Variants in NEBL observed in about 807,000 individuals in gnomAD.
NEBL encodes the protein nebulette, also known as LIM and SH3 protein 2.
NEBL carries 122 observed loss-of-function variants against 140.2 expected under a neutral mutation model. That is an observed-to-expected ratio of 0.87 (90% CI 0.75 to 1.01). NEBL has a LOEUF of 1.01. Among genes scored for constraint, NEBL ranks in the 50% least tolerant of loss-of-function variants. NEBL has a pLI of 0.00. For missense variants in NEBL, 1,365 were observed against 1,231.3 expected (o/e 1.11, Z -1.62); for synonymous variants, 436 against 398.9 (o/e 1.09, Z -1.11).
In NEBL at chr10:20,915,600, G is replaced by C. The variant is rs531314841; in HGVS notation, c.357+46072C>G. Among the ~76,000 whole-genome samples the C allele has an allele frequency of 8.6e-5, 13 of 151,396 alleles. No individual in the cohort carries two copies. In the East Asian group the frequency reaches 2.3e-3, roughly 27 times the overall value. On this transcript the variant is annotated intron_variant, in intron 4 of 6. Transcript: ENST00000417816. ...GGACATGAACTCATCATTTTTTATG[G>C]CTGCATAGTATTCCATGGTGTATAT...
At chr10:21,093,589 C>A (rs1034082687) in intron 2 of NEBL, among the ~76,000 whole-genome samples, 7 of 152,120 alleles carry the variant, frequency 4.6e-5, no homozygotes, top group African/African-American at 1.7e-4. Flanking sequence ...GAATATGCAA[C>A]CAGATGGGGG....
intron 20 of NEBL, among the ~76,000 whole-genome samples, chr10:20,818,158 G>A (rs535690436): frequency 2.0e-5 from 3 of 152,148 alleles, no homozygotes; most frequent in Non-Finnish European, 4.4e-5. Flanking sequence ...ACAGTGTTGA[G>A]CCTCATTATC....
chr10:21,108,354 A>G (rs747671901), intron 2 of NEBL, among the ~76,000 whole-genome samples: 21 of 152,176 alleles, frequency 1.4e-4, no homozygotes, highest in Non-Finnish European at 2.5e-4. Flanking sequence ...AGATTCTGGT[A>G]CGTTGTGTCT....
chr10:20,890,120 A>G (rs1044263722), intron 2 of NEBL, among the ~76,000 whole-genome samples, 171 bp from the exon 3 acceptor site: 1 of 152,210 alleles, frequency 6.6e-6, no homozygotes, highest in Non-Finnish European at 1.5e-5. Flanking sequence ...ACAGGATTGC[A>G]AAGATGATGA....
intron 4 of NEBL, among the ~76,000 whole-genome samples, chr10:20,919,907 A>C (rs1171698275): frequency 1.2e-4 from 19 of 152,184 alleles, no homozygotes. Flanking sequence ...GCAAGGTAGC[A>C]GGGGGAAATT....
At chr10:21,265,704 A>G (rs1186921550) in intron 1 of NEBL, among the ~76,000 whole-genome samples, 1 of 152,242 alleles carries the variant, frequency 6.6e-6, no homozygotes, top group Non-Finnish European at 1.5e-5. Context: ...AACAGGCAAC[A>G]GTACGCTTTT....
chr10:20,795,908 A>AAAT (rs1836464868), intron 26 of NEBL, among the ~76,000 whole-genome samples: 2 of 152,252 alleles, frequency 1.3e-5, no homozygotes, highest in Admixed American at 1.3e-4. Flanking sequence ...CCCCAAATAT[A>AAAT]AATAACCAGG....
chr10:20,960,827 T>C lies in NEBL; in HGVS notation c.357+845A>G, dbSNP rs577137920. On this transcript the variant is annotated intron_variant, in intron 4 of 6. Coordinates refer to the NEBL transcript ENST00000417816. ...CTGGAAATTAAGGCTACATCAGTTA[T>C]AACACCTAGATATACAAATTTTAGT... Among the ~76,000 whole-genome samples the C allele has an allele frequency of 1.5e-3, 221 of 152,246 alleles. 1 individual carries two copies. Among genetic ancestry groups the C allele is most frequent in the African/African-American group, 5.1e-3 (211 of 41,572 alleles).
chr10:21,016,448 G>T (rs936039044), intron 3 of NEBL, among the ~76,000 whole-genome samples: 1 of 152,132 alleles, frequency 6.6e-6, no homozygotes, highest in African/African-American at 2.4e-5. Context: ...GAGAGGGGGG[G>T]AAATAAAAAG....
chr10:20,987,076 A>G (rs1269556918), intron 3 of NEBL, among the ~76,000 whole-genome samples: 2 of 152,196 alleles, frequency 1.3e-5, no homozygotes, highest in South Asian at 2.1e-4. Flanking sequence ...TGTGGATTAA[A>G]TGGGTAAAAA....
At chr10:20,997,601 A>C (rs545225223) in intron 3 of NEBL, among the ~76,000 whole-genome samples, 1 of 151,858 alleles carries the variant, frequency 6.6e-6, no homozygotes, top group Non-Finnish European at 1.5e-5. Flanking sequence ...TTCCTAACAA[A>C]GTATCATTAC....
intron 2 of NEBL, among the ~76,000 whole-genome samples, chr10:21,067,359 C>A (rs1234535726): frequency 6.6e-6 from 1 of 152,018 alleles, no homozygotes; most frequent in Non-Finnish European, 1.5e-5. Flanking sequence ...TTAAATTGAG[C>A]CTTCAAACTG....
At chr10:20,986,271 C>T (rs889220439) in intron 3 of NEBL, among the ~76,000 whole-genome samples, 1 of 152,148 alleles carries the variant, frequency 6.6e-6, no homozygotes, top group African/African-American at 2.4e-5. Flanking sequence ...TCCGCTGTTG[C>T]AATAACTAGA....
chr10:20,795,748 G>A (rs1430928633), intron 26 of NEBL, among the ~76,000 whole-genome samples: 3 of 152,112 alleles, frequency 2.0e-5, no homozygotes, highest in African/African-American at 7.2e-5. Context: ...GCATAGTGAT[G>A]GCACCTAACA....
intron 1 of NEBL, among the ~76,000 whole-genome samples, chr10:21,285,732 T>C (rs565105352): frequency 1.4e-4 from 21 of 152,210 alleles, no homozygotes; most frequent in Non-Finnish European, 2.4e-4. Context: ...AGGAAGTGTC[T>C]AAAGTCGTTA....
At chr10:20,827,875 G>C (rs1470931982) in intron 17 of NEBL, among the ~76,000 whole-genome samples, 2 of 152,020 alleles carry the variant, frequency 1.3e-5, no homozygotes, top group African/African-American at 4.8e-5. Context: ...TAAATGATGA[G>C]AACACATGGA....
At chr10:20,881,281 T>C (rs1845991995) in intron 4 of NEBL, among the ~76,000 whole-genome samples, 1 of 152,218 alleles carries the variant, frequency 6.6e-6, no homozygotes, top group African/African-American at 2.4e-5. Flanking sequence ...TATTTGAAAG[T>C]AAATTGTTTT....
At chr10:20,969,109 G>GC (rs1836454119) in intron 3 of NEBL, among the ~76,000 whole-genome samples, 1 of 152,094 alleles carries the variant, frequency 6.6e-6, no homozygotes, top group African/African-American at 2.4e-5. Flanking sequence ...GCAGAAAATT[G>GC]ATTAATCTCA....
At chr10:21,203,531 G>A (rs1278999042) in intron 3 of NEBL, among the ~76,000 whole-genome samples, 1 of 152,194 alleles carries the variant, frequency 6.6e-6, no homozygotes, top group Non-Finnish European at 1.5e-5. Flanking sequence ...TGGAACAGCA[G>A]CAAATGCTTT....
Sources: allele counts gnomAD v4.1 joint callset (sites outside exome capture counted in the v4.1 genomes callset), GRCh38; gene constraint gnomAD v4.1.1; transcripts MANE v1.5; gene names NCBI Gene and HGNC (gene_info 2026-07-23, HGNC 2026-07-21).